Variants in CTNND2 observed in about 807,000 individuals in gnomAD.
The protein encoded by CTNND2 is catenin delta 2, also known as catenin delta-2.
CTNND2 carries 22 observed loss-of-function variants against 144.4 expected under a neutral mutation model. That is an observed-to-expected ratio of 0.15 (90% confidence interval 0.11 to 0.22). The LOEUF (loss-of-function observed/expected upper bound fraction) is 0.22. Ranked by LOEUF, CTNND2 falls within the 10% of genes least tolerant of loss-of-function variation. The probability of loss-of-function intolerance (pLI) is 1.00; values close to 1 mark genes in which losing one functional copy is unlikely to be tolerated. For synonymous variants in CTNND2, 751 were observed against 695.6 expected (o/e 1.08, Z -1.25); for missense variants, 1,353 against 1,618.8 (o/e 0.84, Z 2.82).
intron 3 of CTNND2, among the ~76,000 whole-genome samples, chr5:11,562,850 G>A (rs1222129916): frequency 6.6e-6 from 1 of 152,202 alleles, no homozygotes; most frequent in Non-Finnish European, 1.5e-5. Flanking sequence ...GAAGGTATCA[G>A]GTAATGTCAT....
intron 1 of CTNND2, among the ~76,000 whole-genome samples, chr5:11,885,610 C>A (rs181806653): frequency 1.3e-5 from 2 of 152,206 alleles, no homozygotes; most frequent in African/African-American, 4.8e-5. Context: ...AGTCTACTTT[C>A]AGCAACGGAC....
rs567309186 is a variant in CTNND2, at chr5:11,455,978, G to A, written c.288-43909C>T. Among the ~76,000 whole-genome samples the A allele has an allele frequency of 5.9e-5, 9 of 152,232 alleles. No individual in the cohort carries two copies. In the East Asian group the frequency reaches 1.7e-3, roughly 29 times the overall value. ...ATTTATTTATTTATTTTGGAAAAAT[G>A]ACATCTTTCATATGCCATGAGAAGG... On this transcript the variant is annotated intron_variant, in intron 3 of 21. Coordinates refer to ENST00000304623, the MANE Select transcript of CTNND2 (RefSeq NM_001332.4).
intron 1 of CTNND2, among the ~76,000 whole-genome samples, chr5:11,816,624 A>G: frequency 9.9e-6 from 1 of 100,898 alleles, no homozygotes; most frequent in African/African-American, 4.0e-5. Context: ...AGAGAGAGGG[A>G]AGAGGGAGAG....
At position 10,973,319 on chromosome 5, in the gene CTNND2, T is replaced by C; in HGVS notation, c.*134A>G. ...TCTAAAATAGCTCTTAATATTTCCT[T>C]ACTGGTTATCACAGCCTTCCTATGG... On this transcript the variant is annotated 3_prime_UTR_variant, in exon 22 of 22. Coordinates refer to ENST00000304623, the MANE Select transcript of CTNND2 (RefSeq NM_001332.4). The surrounding 1 kb of genome is among the most constrained non-coding windows in gnomAD (Gnocchi z 5.6). 1.1e-6 allele frequency: 1 copy of C among 920,880 alleles called. No individual in the cohort carries two copies. The highest frequency in any genetic ancestry group is 1.5e-6 in the Non-Finnish European group (1 of 646,402). The allele number at this position is 920,880 out of a possible 1,614,324, so 57.0% of individuals were successfully genotyped here.
At chr5:11,166,530 C>T (rs1455549341) in intron 11 of CTNND2, among the ~76,000 whole-genome samples, 18 of 151,548 alleles carry the variant, frequency 1.2e-4, no homozygotes, top group Admixed American at 7.9e-4. Flanking sequence ...ATTACAGGCC[C>T]GCCACCACGC....
chr5:11,245,259 A>C (rs577867156), intron 9 of CTNND2, among the ~76,000 whole-genome samples: 2 of 152,316 alleles, frequency 1.3e-5, no homozygotes, highest in South Asian at 4.1e-4. Context: ...TGGTTAGGAC[A>C]CTGGGAAAGA....
rs1220418471 is a variant in CTNND2 at position 11,364,797 on chromosome 5, T to C, written c.1271A>G (p.Tyr424Cys). 1 of 1,613,884 alleles carries C rather than the reference T, an allele frequency of 6.2e-7. No individual in the cohort carries two copies. Among genetic ancestry groups the C allele is most frequent in the African/African-American group, 1.3e-5 (1 of 75,036 alleles). The change falls in exon 8 of 22, where the codon TAT (tyrosine) becomes TGT (cysteine). Residue 424 changes from tyrosine to cysteine, a missense_variant. Transcript: ENST00000304623. ...GGGCTTCTGATAGACGCGGTCTTCA[T>C]AGATGGGATCTATGTGGTGTTCTGG... ...QSPEHHIDPI[Y>C]EDRVYQKPPM...
chr5:11,446,608 A>T (rs1468727938), intron 3 of CTNND2, among the ~76,000 whole-genome samples: 11 of 152,154 alleles, frequency 7.2e-5, no homozygotes, highest in Admixed American at 7.2e-4. Context: ...GTTGCAAAAG[A>T]TAGGTTGCCT....
chr5:11,188,666 A>T (rs1735912059), intron 11 of CTNND2, among the ~76,000 whole-genome samples: 1 of 152,190 alleles, frequency 6.6e-6, no homozygotes, highest in Admixed American at 6.5e-5. Flanking sequence ...TGTCTTGTTC[A>T]CTGAGACACT....
In CTNND2 at chr5:11,747,095, G is replaced by T. The variant is rs150710867; in HGVS notation, c.38-14823C>A. Among the ~76,000 whole-genome samples, 17 of 152,110 alleles carry T rather than the reference G, an allele frequency of 1.1e-4. No homozygotes were observed. In the East Asian group the frequency reaches 2.5e-3, roughly 23 times the overall value. On this transcript the variant is annotated intron_variant, in intron 1 of 21. Coordinates refer to ENST00000304623, the MANE Select transcript of CTNND2 (RefSeq NM_001332.4). ...ATTAATAATCATAATAAGTTCTAGGGTTCATCTCTACTACAAATTAGATAG... is the reference window on the plus strand; with the variant it reads ...ATTAATAATCATAATAAGTTCTAGGTTTCATCTCTACTACAAATTAGATAG...
At chr5:10,979,667 C>A (rs1481710347) in intron 21 of CTNND2, among the ~76,000 whole-genome samples, 1 of 152,226 alleles carries the variant, frequency 6.6e-6, no homozygotes, top group African/African-American at 2.4e-5. Context: ...CTCTCTCTCT[C>A]TCTCTCAGAT....
At chr5:11,729,616 G>A (rs764843827) in intron 2 of CTNND2, among the ~76,000 whole-genome samples, 1 of 151,964 alleles carries the variant, frequency 6.6e-6, no homozygotes, top group Non-Finnish European at 1.5e-5. Flanking sequence ...CCGTATTTTT[G>A]GCTATTTCAA....
intron 3 of CTNND2, among the ~76,000 whole-genome samples, chr5:11,513,634 T>C (rs867792153): frequency 2.0e-5 from 3 of 152,208 alleles, no homozygotes; most frequent in Non-Finnish European, 2.9e-5. Context: ...TAAGTATGTA[T>C]TGATGACTTA....
intron 2 of CTNND2, among the ~76,000 whole-genome samples, chr5:11,730,975 G>T (rs1377875916): frequency 6.6e-6 from 1 of 152,118 alleles, no homozygotes; most frequent in Non-Finnish European, 1.5e-5. Flanking sequence ...CCCCTTGGTG[G>T]TCCCTTTTTC....
intron 10 of CTNND2, among the ~76,000 whole-genome samples, chr5:11,220,863 A>G (rs1739721121): frequency 6.6e-6 from 1 of 152,202 alleles, no homozygotes; most frequent in African/African-American, 2.4e-5. Context: ...GATTCTTTCA[A>G]ACAATCTTTG....
At chr5:11,783,258 T>C (rs978010788) in intron 1 of CTNND2, among the ~76,000 whole-genome samples, 2 of 152,196 alleles carry the variant, frequency 1.3e-5, no homozygotes, top group Non-Finnish European at 2.9e-5. Flanking sequence ...TTCAGTATAC[T>C]GCAGATTTGC....
intron 2 of CTNND2, among the ~76,000 whole-genome samples, chr5:11,652,677 CA>C (rs1437563480): frequency 6.6e-6 from 1 of 152,098 alleles, no homozygotes; most frequent in African/African-American, 2.4e-5. Flanking sequence ...GTGAAGTAAT[CA>C]CCACAATTAA....
chr5:11,665,935 A>G (rs1190734083), intron 2 of CTNND2, among the ~76,000 whole-genome samples: 1 of 152,194 alleles, frequency 6.6e-6, no homozygotes, highest in East Asian at 1.9e-4. Flanking sequence ...TTTTTCCTTG[A>G]TAATCATCAA....
chr5:11,323,609 G>A (rs1415568360), intron 9 of CTNND2, among the ~76,000 whole-genome samples: 1 of 152,148 alleles, frequency 6.6e-6, no homozygotes, highest in Non-Finnish European at 1.5e-5. Context: ...ACAGATTCAG[G>A]GGTCTCTGTT....
Sources: allele counts gnomAD v4.1 joint callset (sites outside exome capture counted in the v4.1 genomes callset), GRCh38; gene constraint gnomAD v4.1.1; non-coding constraint Gnocchi (gnomAD v3.1); transcripts MANE v1.5; gene names NCBI Gene and HGNC (gene_info 2026-07-23, HGNC 2026-07-21).